Variants in ZKSCAN7 observed in about 807,000 individuals in gnomAD.
ZKSCAN7 encodes the protein zinc finger with KRAB and SCAN domains 7.
ZKSCAN7 carries 38 observed loss-of-function variants against 65.3 expected under a neutral mutation model. The observed-to-expected ratio is 0.58, with a 90% CI of 0.45 to 0.76. The LOEUF (loss-of-function observed/expected upper bound fraction) is 0.76, where lower values mean the gene tolerates loss of function less well. Ranked by LOEUF, ZKSCAN7 falls within the 30% of genes least tolerant of loss-of-function variation. The probability of loss-of-function intolerance (pLI) is 0.00; values close to 1 mark genes in which losing one functional copy is unlikely to be tolerated. For missense variants in ZKSCAN7, 815 were observed against 913.3 expected (o/e 0.89, Z 1.39); for synonymous variants, 321 against 321.0 (o/e 1.00, Z 0.00).
At chr3:44,580,540 C>A (rs1229089543) in intron 5 of ZKSCAN7, 2 of 1,613,608 alleles carry the variant, frequency 1.2e-6, no homozygotes, top group Non-Finnish European at 1.7e-6. Context: ...GTGGGGGGCT[C>A]CACTTTCCAT....
At chr3:44,556,410 T>G (rs766194662) in intron 1 of ZKSCAN7, among the ~76,000 whole-genome samples, 24 of 152,250 alleles carry the variant, frequency 1.6e-4, no homozygotes, top group Admixed American at 6.5e-5. Flanking sequence ...CTTCTAAGTG[T>G]GTCTCTAGAG....
Position 44,570,417 on chromosome 3 carries a change from A to G in ZKSCAN7, c.1307A>G (p.Glu436Gly), listed in dbSNP as rs1368441638. 3.1e-6 allele frequency: 5 copies of G among 1,613,934 alleles called. No individual in the cohort carries two copies. Among genetic ancestry groups the G allele is most frequent in the African/African-American group, 2.7e-5 (2 of 74,906 alleles). Residue 436 changes from glutamate to glycine, a missense_variant, in exon 6 of 6, where the codon GAA (glutamate) becomes GGA (glycine). Transcript: ENST00000426540. The part of the protein sequence containing the change: ...LIVHLRTHTG[E>G]KPYECSECGK... The stretch of plus-strand genomic sequence containing the variant: ...GTTCATCTCAGAACCCACACAGGGG[A>G]AAAACCCTATGAATGCAGTGAGTGT...
At chr3:44,565,858 G>A (rs765816835) in intron 3 of ZKSCAN7, among the ~76,000 whole-genome samples, 47 of 152,172 alleles carry the variant, frequency 3.1e-4, no homozygotes, top group Non-Finnish European at 5.7e-4. Context: ...AGGGCATGTC[G>A]TAGGAAAGGC....
At chr3:44,556,859 C>G in intron 1 of ZKSCAN7, 71 bp from the exon 2 acceptor site, 1 of 756,908 alleles carries the variant, frequency 1.3e-6, no homozygotes, top group Non-Finnish European at 2.2e-6. Context: ...TGTTTTTTAA[C>G]TCAGTGGAGG....
At chr3:44,574,542 G>A (rs555512894), downstream of ZKSCAN7, among the ~76,000 whole-genome samples, 20 of 152,238 alleles carry the variant, frequency 1.3e-4, no homozygotes, top group Middle Eastern at 3.4e-3. Context: ...TTTCATTTGC[G>A]TTCATTGTTG....
At chr3:44,562,186 G>A (rs1699493541) in intron 2 of ZKSCAN7, among the ~76,000 whole-genome samples, 1 of 152,210 alleles carries the variant, frequency 6.6e-6, no homozygotes, top group Non-Finnish European at 1.5e-5. Flanking sequence ...ACACCTGCAG[G>A]CCCAACAACA....
At chr3:44,574,801 G>A (rs1209900573), downstream of ZKSCAN7, among the ~76,000 whole-genome samples, 4 of 151,844 alleles carry the variant, frequency 2.6e-5, no homozygotes, top group African/African-American at 7.3e-5. Flanking sequence ...GTGGTGGCAG[G>A]CACCTGTAAT....
chr3:44,572,037 C>T lies in ZKSCAN7; in HGVS notation c.*662C>T, dbSNP rs115303170. On this transcript the variant is annotated 3_prime_UTR_variant, in exon 6 of 6. Coordinates refer to ENST00000426540, the MANE Select transcript of ZKSCAN7 (RefSeq NM_001288590.2). ...GTGGTTAATTGCCTTGTAAATTTTG[C>T]GTGTCTGTATACTTTTATACCAACT... The T allele has an allele frequency of 8.5e-4, 841 of 985,520 alleles. 2 individuals carry two copies. Among genetic ancestry groups the T allele is most frequent in the African/African-American group, 5.9e-3 (336 of 57,308 alleles). The allele number at this position is 985,520 out of a possible 1,614,324, so 61.0% of individuals were successfully genotyped here.
At chr3:44,581,249 C>G (rs2125737666) in intron 5 of ZKSCAN7, among the ~76,000 whole-genome samples, 1 of 148,416 alleles carries the variant, frequency 6.7e-6, no homozygotes, top group African/African-American at 2.4e-5. Flanking sequence ...CGCCGCCCAG[C>G]CGCCGTGGGC....
At chr3:44,580,402 C>T in intron 5 of ZKSCAN7, 1 of 1,601,746 alleles carries the variant, frequency 6.2e-7, no homozygotes, top group Non-Finnish European at 8.5e-7. Flanking sequence ...TCTGGCTGGT[C>T]CTTGGTCCTC....
At chr3:44,577,394 C>A (rs192585413) in intron 5 of ZKSCAN7, among the ~76,000 whole-genome samples, 1 of 152,024 alleles carries the variant, frequency 6.6e-6, no homozygotes, top group East Asian at 1.9e-4. Flanking sequence ...GGAACAAATA[C>A]AAAATGCTGT....
At chr3:44,566,475 T>C (rs1436780190) in intron 3 of ZKSCAN7, among the ~76,000 whole-genome samples, 2 of 152,040 alleles carry the variant, frequency 1.3e-5, no homozygotes, top group Admixed American at 6.6e-5. Context: ...CGGGCAAGGA[T>C]AAAATTGAAA....
chr3:44,558,402 G>A (rs1435614021), intron 2 of ZKSCAN7, among the ~76,000 whole-genome samples: 1 of 151,938 alleles, frequency 6.6e-6, no homozygotes, highest in Non-Finnish European at 1.5e-5. Context: ...GCATATACCT[G>A]TAATCTTAGC....
rs530852730 is a variant in ZKSCAN7 at position 44,556,807 on chromosome 3, C to G, written c.-118-123C>G. ...AAGAAGGGCATCATTTGGAGAGATG[C>G]TTACTAAGAATGCCTGGTTGTGTTC... On this transcript the variant is annotated intron_variant, in intron 1 of 5. Coordinates refer to ENST00000426540, the MANE Select transcript of ZKSCAN7 (RefSeq NM_001288590.2). 39 of 579,218 alleles carry G rather than the reference C, an allele frequency of 6.7e-5. No homozygotes were observed. The African/African-American group carries it at 7.3e-4, about 11-fold the overall frequency. The allele number at this position is 579,218 out of a possible 1,614,324, so 35.9% of individuals were successfully genotyped here.
chr3:44,572,802 A>G (rs955437732), downstream of ZKSCAN7, among the ~76,000 whole-genome samples: 2 of 146,050 alleles, frequency 1.4e-5, no homozygotes, highest in African/African-American at 5.1e-5. Context: ...GTGAGCCAAG[A>G]TCGCACCACT....
intron 5 of ZKSCAN7, chr3:44,580,769 C>A: frequency 6.2e-7 from 1 of 1,613,400 alleles, no homozygotes; most frequent in Non-Finnish European, 8.5e-7. Context: ...GCATCTCATC[C>A]AGGGCGTAGC....
rs569275487 is a variant in ZKSCAN7, at chr3:44,565,471, A to G, written c.424-16A>G. On this transcript the variant is annotated splice_polypyrimidine_tract_variant and intron_variant, in intron 2 of 5. Transcript: ENST00000426540. ...AGGATGCTCTTTTGAACCCAATTGT[A>G]TTTCCCTCTCTCTAGGTTTCAGCCC... 4.4e-6 allele frequency: 7 copies of G among 1,589,982 alleles called. No homozygotes were observed. The South Asian group carries it at 4.6e-5, about 10-fold the overall frequency.
chr3:44,557,131 G>T lies in ZKSCAN7; in HGVS notation c.84G>T (p.Lys28Asn). ...FQKQEGRLTVKQEPANQTWGQ... is the reference protein window; with the variant it reads ...FQKQEGRLTVNQEPANQTWGQ... ...AGCAAGAGGGGCGCCTGACTGTGAA[G>T]CAGGAGCCAGCAAACCAGACCTGGG... Residue 28 changes from lysine to asparagine, a missense_variant, in exon 2 of 6, where the codon AAG becomes AAT. Transcript: ENST00000426540. 1 of 1,614,258 alleles carries T rather than the reference G, an allele frequency of 6.2e-7. No homozygotes were observed. The highest frequency in any genetic ancestry group is 8.5e-7 in the Non-Finnish European group (1 of 1,180,054).
downstream of ZKSCAN7, among the ~76,000 whole-genome samples, chr3:44,575,261 A>G (rs1169210603): frequency 6.6e-6 from 1 of 152,214 alleles, no homozygotes; most frequent in Non-Finnish European, 1.5e-5. Context: ...GCACCACTGC[A>G]ATCTAGCCTA....
Sources: allele counts gnomAD v4.1 joint callset (sites outside exome capture counted in the v4.1 genomes callset), GRCh38; gene constraint gnomAD v4.1.1; transcripts MANE v1.5; gene names NCBI Gene and HGNC (gene_info 2026-07-23, HGNC 2026-07-21).